COLEC12: variants seen among roughly 807,000 people sequenced by gnomAD.
COLEC12 encodes the protein collectin-12.
A neutral mutation model predicts 71.1 loss-of-function variants in COLEC12; 33 were observed. That is an observed-to-expected ratio of 0.46 (90% CI 0.35 to 0.62). The LOEUF (loss-of-function observed/expected upper bound fraction) is 0.62, where lower values mean the gene tolerates loss of function less well. Ranked by LOEUF, COLEC12 falls within the 20% of genes least tolerant of loss-of-function variation. The pLI, the probability that COLEC12 is intolerant of heterozygous loss-of-function variation, is 0.00. For synonymous variants in COLEC12, 350 were observed against 353.0 expected (o/e 0.99, Z 0.10); for missense variants, 765 against 916.1 (o/e 0.84, Z 2.13).
At chr18:363,451 G>A (rs914946982) in intron 2 of COLEC12, among the ~76,000 whole-genome samples, 2 of 152,114 alleles carry the variant, frequency 1.3e-5, no homozygotes, top group Admixed American at 6.5e-5. Flanking sequence ...CCAAAGAGAA[G>A]CTTTAAAAAG....
At chr18:406,558 C>CG (rs1217550031) in intron 2 of COLEC12, among the ~76,000 whole-genome samples, 2 of 151,212 alleles carry the variant, frequency 1.3e-5, no homozygotes, top group African/African-American at 4.9e-5. Context: ...CAGCAGCTCC[C>CG]GGGGCTGCCT....
At position 346,223 on chromosome 18, in the gene COLEC12, C is replaced by T. The variant is rs1286432573; in HGVS notation, c.1327+72G>A. ...GATGAATATTTATTGTTTTAAATTG[C>T]CAAGTTTTAGAGTAACTTGTTATGC... is the stretch of plus-strand genomic sequence containing the variant. On this transcript the variant is annotated intron_variant, in intron 5 of 9. Coordinates refer to ENST00000400256, the MANE Select transcript of COLEC12 (RefSeq NM_130386.3). The surrounding 1 kb of genome is among the most constrained non-coding windows in gnomAD (Gnocchi z 4.0). The T allele has an allele frequency of 8.4e-7, 1 of 1,185,566 alleles. No individual in the cohort carries two copies. The highest frequency in any genetic ancestry group is 1.5e-5 in the African/African-American group (1 of 65,200). The allele number at this position is 1,185,566 out of a possible 1,614,324, so 73.4% of individuals were successfully genotyped here.
rs1357680442 is a variant in COLEC12, at chr18:317,216, A to G, written c.*2829T>C. On this transcript the variant is annotated 3_prime_UTR_variant, in exon 10 of 10. Transcript: ENST00000400256. ...ACTCCAGCCTGGGTGACAGAGCGAG[A>G]CTCTGTCTTAAAAACAAAAACAAAC... 1 of 152,206 alleles carries G rather than the reference A, an allele frequency of 6.6e-6. No homozygotes were observed. Among genetic ancestry groups the G allele is most frequent in the African/African-American group, 2.4e-5 (1 of 41,426 alleles). 9.4% of individuals were successfully genotyped at this position (152,206 alleles called of 1,614,324 possible).
chr18:482,470 G>A (rs914624405), intron 1 of COLEC12, among the ~76,000 whole-genome samples: 5 of 152,000 alleles, frequency 3.3e-5, no homozygotes, highest in African/African-American at 1.2e-4. Context: ...AGGGGACCCT[G>A]TCTGACTGGG....
At chr18:438,540 C>T (rs1324243889) in intron 2 of COLEC12, among the ~76,000 whole-genome samples, 4 of 152,108 alleles carry the variant, frequency 2.6e-5, no homozygotes, top group African/African-American at 9.7e-5. Context: ...CAGCTGGGTG[C>T]TGTGGTTCAC....
rs370515092 is a variant in COLEC12, at chr18:346,304, T to C, written c.1318A>G (p.Ile440Val). The C allele has an allele frequency of 1.8e-5, 29 of 1,605,836 alleles. No homozygotes were observed. The African/African-American group carries it at 2.1e-4, about 12-fold the overall frequency. The change falls in exon 5 of 10, where the codon ATA becomes GTA. Residue 440 changes from isoleucine (I) to valine (V), a missense_variant. Physicochemically the swap from Ile to Val is conservative, Grantham distance 29. Transcript: ENST00000400256. The surrounding 1 kb of genome is among the most constrained non-coding windows in gnomAD (Gnocchi z 4.0). ...KHGQLIKNFT[I>V]LQGPPGPRGP... is the part of the protein sequence containing the mutation. ...CAGAATTTTGACTTACCTTGTAGTA[T>C]TGTAAAATTCTTGATGAGCTGACCA...
At chr18:436,236 C>T (rs1024997053) in intron 2 of COLEC12, among the ~76,000 whole-genome samples, 1 of 152,166 alleles carries the variant, frequency 6.6e-6, no homozygotes, top group Admixed American at 6.5e-5. Context: ...CGGGGCCAGG[C>T]GCAGTGGCTC....
At chr18:496,011 A>T (rs573903057) in intron 1 of COLEC12, among the ~76,000 whole-genome samples, 1 of 152,346 alleles carries the variant, frequency 6.6e-6, no homozygotes, top group East Asian at 1.9e-4. Flanking sequence ...CCTCCCTGAG[A>T]GATTACCCAC....
intron 3 of COLEC12, among the ~76,000 whole-genome samples, chr18:356,558 C>A (rs1327004929): frequency 6.6e-6 from 1 of 152,208 alleles, no homozygotes; most frequent in Non-Finnish European, 1.5e-5. Flanking sequence ...CTGGGTCAGT[C>A]TGTGGGCCAC....
intron 5 of COLEC12, among the ~76,000 whole-genome samples, chr18:340,086 A>C (rs952495169): frequency 6.6e-6 from 1 of 150,890 alleles, no homozygotes; most frequent in African/African-American, 2.4e-5. Context: ...AAAAAAAAAA[A>C]AAAAACAAAA....
chr18:351,107 G>A (rs950269005), intron 3 of COLEC12, among the ~76,000 whole-genome samples: 4 of 152,148 alleles, frequency 2.6e-5, no homozygotes, highest in South Asian at 2.1e-4. Flanking sequence ...GGAAGAAGTA[G>A]TAAGTTCCCA....
chr18:372,829 C>T (rs1915030251), intron 2 of COLEC12, among the ~76,000 whole-genome samples: 1 of 152,316 alleles, frequency 6.6e-6, no homozygotes, highest in East Asian at 1.9e-4. Context: ...AACGCTGTGA[C>T]ACAGGAAGTG....
chr18:331,282 C>T (rs1313416376), intron 8 of COLEC12, among the ~76,000 whole-genome samples: 1 of 152,216 alleles, frequency 6.6e-6, no homozygotes, highest in Non-Finnish European at 1.5e-5. Flanking sequence ...GAAGGGAGCT[C>T]CCCAGTCCTT....
In COLEC12 at chr18:431,325, G is replaced by A. The variant is rs527374237; in HGVS notation, c.58+49382C>T. ...ACCTATACACATTTTATAATGATTG[G>A]TTACTGATGTGGGGTTTGGATCAGA... On this transcript the variant is annotated intron_variant, in intron 2 of 9. Transcript: ENST00000400256. Among the ~76,000 whole-genome samples the A allele has an allele frequency of 2.0e-5, 3 of 152,196 alleles. No individual in the cohort carries two copies. In the South Asian group the frequency reaches 6.2e-4, roughly 32 times the overall value.
intron 2 of COLEC12, among the ~76,000 whole-genome samples, chr18:420,174 T>C (rs1916068967): frequency 6.6e-6 from 1 of 152,160 alleles, no homozygotes; most frequent in South Asian, 2.1e-4. Context: ...ATAATAATAA[T>C]AATCAATTGC....
intron 2 of COLEC12, among the ~76,000 whole-genome samples, chr18:384,260 A>G (rs1915295913): frequency 6.6e-6 from 1 of 152,140 alleles, no homozygotes; most frequent in African/African-American, 2.4e-5. Context: ...CGCAGTGTGC[A>G]GCCAAGGTTG....
At chr18:481,433 A>C (rs1227945370) in intron 1 of COLEC12, among the ~76,000 whole-genome samples, 1 of 152,200 alleles carries the variant, frequency 6.6e-6, no homozygotes, top group Admixed American at 6.5e-5. Context: ...GGCCGGGCGC[A>C]GTGGCTCATG....
At chr18:405,824 T>C (rs1362100982) in intron 2 of COLEC12, among the ~76,000 whole-genome samples, 1 of 152,026 alleles carries the variant, frequency 6.6e-6, no homozygotes, top group Non-Finnish European at 1.5e-5. Context: ...TGGCCTGCCG[T>C]TCATCTGCTT....
intron 2 of COLEC12, among the ~76,000 whole-genome samples, chr18:366,839 T>C (rs1914866782): frequency 6.6e-6 from 1 of 152,186 alleles, no homozygotes. Flanking sequence ...GGCCGGGGTA[T>C]GGATGTCCTG....
Sources: gnomAD v4.1 joint callset for allele counts (sites outside exome capture counted in the v4.1 genomes callset) on GRCh38, gnomAD v4.1.1 for gene constraint, Gnocchi (gnomAD v3.1) non-coding constraint, MANE v1.5 for transcripts, NCBI Gene and HGNC (gene_info 2026-07-23, HGNC 2026-07-21) for gene names.